SUGCT: variants seen among roughly 807,000 people sequenced by gnomAD.
SUGCT encodes the protein succinyl-CoA:glutarate CoA-transferase.
SUGCT carries 41 observed loss-of-function variants against 55.0 expected under a neutral mutation model. That is an observed-to-expected ratio of 0.74 (90% CI 0.58 to 0.97). The LOEUF (loss-of-function observed/expected upper bound fraction) is 0.97. Ranked by LOEUF, SUGCT falls within the 50% of genes least tolerant of loss-of-function variation. The probability of loss-of-function intolerance (pLI) is 0.00; values close to 1 mark genes in which losing one functional copy is unlikely to be tolerated. For missense variants in SUGCT, 568 were observed against 547.8 expected (o/e 1.04, Z -0.37); for synonymous variants, 187 against 200.4 (o/e 0.93, Z 0.56).
the SUGCT span, among the ~76,000 whole-genome samples, chr7:41,020,420 C>T: frequency 3.9e-5 from 6 of 152,164 alleles, no homozygotes; most frequent in African/African-American, 7.2e-5. Flanking sequence ...AGCAAAAATG[C>T]AGTTCCATAT....
chr7:40,658,045 CT>C (rs529230740), intron 12 of SUGCT, among the ~76,000 whole-genome samples: 42 of 152,192 alleles, frequency 2.8e-4, no homozygotes, highest in Non-Finnish European at 5.0e-4. Context: ...AAATATAAAC[CT>C]TAGAACAACT....
At chr7:40,258,991 A>G (rs1791033623) in intron 7 of SUGCT, among the ~76,000 whole-genome samples, 1 of 152,240 alleles carries the variant, frequency 6.6e-6, no homozygotes, top group Admixed American at 6.5e-5. Flanking sequence ...TAGAAAAAAC[A>G]AGGAATTCTT....
intron 13 of SUGCT, among the ~76,000 whole-genome samples, chr7:40,799,741 T>C (rs557948671): frequency 3.3e-5 from 5 of 152,288 alleles, no homozygotes; most frequent in Admixed American, 2.6e-4. Context: ...ATTATGGCAG[T>C]AGATTTATTA....
intron 12 of SUGCT, among the ~76,000 whole-genome samples, chr7:40,632,551 A>G (rs1262962654): frequency 6.7e-6 from 1 of 148,760 alleles, no homozygotes; most frequent in Non-Finnish European, 1.5e-5. Context: ...AAAAAGGAAT[A>G]TGGAGTTACC....
the SUGCT span, among the ~76,000 whole-genome samples, chr7:40,930,407 C>G: frequency 1.2e-4 from 19 of 152,240 alleles, no homozygotes; most frequent in Middle Eastern, 3.4e-3. Context: ...TATGCAGGCT[C>G]TTTTTTGGTT....
At chr7:40,223,292 C>T (rs758021716) in intron 6 of SUGCT, among the ~76,000 whole-genome samples, 1 of 152,040 alleles carries the variant, frequency 6.6e-6, no homozygotes, top group Non-Finnish European at 1.5e-5. Flanking sequence ...AATTCCTGAC[C>T]TCAAGTGATC....
chr7:40,225,373 T>C (rs1166389641), intron 6 of SUGCT, among the ~76,000 whole-genome samples: 2 of 152,102 alleles, frequency 1.3e-5, no homozygotes, highest in Non-Finnish European at 2.9e-5. Context: ...GGGGTCCAAC[T>C]TCAAAGGTTA....
At chr7:40,695,385 A>T (rs1351624848) in intron 12 of SUGCT, among the ~76,000 whole-genome samples, 1 of 151,644 alleles carries the variant, frequency 6.6e-6, no homozygotes, top group Admixed American at 6.6e-5. Flanking sequence ...TTTTGTAGAG[A>T]TGAGGTTTTG....
chr7:40,857,405 T>C (rs1203577), intron 13 of SUGCT, among the ~76,000 whole-genome samples: 10,168 of 152,234 alleles, frequency 0.067, 1,130 homozygotes, highest in African/African-American at 0.23. Flanking sequence ...ATTTGTCCCG[T>C]TGCAGTCTAT....
chr7:40,994,234 T>C, the SUGCT span, among the ~76,000 whole-genome samples: 1 of 152,124 alleles, frequency 6.6e-6, no homozygotes, highest in Non-Finnish European at 1.5e-5. Context: ...GCCATTCAGT[T>C]TGAAGGCAAA....
At chr7:40,720,068 G>A (rs1368283063) in intron 12 of SUGCT, among the ~76,000 whole-genome samples, 2 of 152,100 alleles carry the variant, frequency 1.3e-5, no homozygotes, top group African/African-American at 4.8e-5. Context: ...TTACAGGCGT[G>A]AGGCAGCACA....
At chr7:40,388,020 G>A (rs946259157) in intron 9 of SUGCT, 13 of 152,162 alleles carry the variant, frequency 8.5e-5, no homozygotes, top group African/African-American at 2.9e-4. Flanking sequence ...AGAGACGCTT[G>A]GGCTGACCTA....
At chr7:40,383,937 C>T (rs768539975) in intron 9 of SUGCT, among the ~76,000 whole-genome samples, 3 of 152,104 alleles carry the variant, frequency 2.0e-5, no homozygotes, top group East Asian at 1.9e-4. Context: ...CGCTGCCCCA[C>T]GAAATGCTTG....
chr7:40,340,656 A>T (rs1796994110), intron 9 of SUGCT, among the ~76,000 whole-genome samples: 2 of 152,152 alleles, frequency 1.3e-5, no homozygotes, highest in South Asian at 4.1e-4. Flanking sequence ...AACAGGGAAG[A>T]CCTCAAAGTG....
intron 12 of SUGCT, among the ~76,000 whole-genome samples, chr7:40,668,580 G>A (rs2151866375): frequency 6.6e-6 from 1 of 152,188 alleles, no homozygotes; most frequent in South Asian, 2.1e-4. Flanking sequence ...TATTATATAT[G>A]AAACAAACAT....
Position 40,349,076 on chromosome 7 carries a change from C to G in SUGCT, c.816+32221C>G, listed in dbSNP as rs1326391857. 2.0e-5 allele frequency among the ~76,000 whole-genome samples: 3 copies of G among 152,118 alleles called. No homozygotes were observed. In the East Asian group the frequency reaches 5.8e-4, roughly 29 times the overall value. ...CTTTTCCACCCTCCTTCTGTATATCCTCACTGAATGAGTTCTCACGTATAT... is the reference window on the plus strand; with the variant it reads ...CTTTTCCACCCTCCTTCTGTATATCGTCACTGAATGAGTTCTCACGTATAT... On this transcript the variant is annotated intron_variant, in intron 9 of 13. Transcript: ENST00000335693.
At chr7:40,540,150 A>G (rs946653675) in intron 12 of SUGCT, among the ~76,000 whole-genome samples, 4 of 152,058 alleles carry the variant, frequency 2.6e-5, no homozygotes, top group African/African-American at 7.2e-5. Context: ...TATCATAAGT[A>G]TAGGCATGTC....
intron 9 of SUGCT, among the ~76,000 whole-genome samples, chr7:40,356,250 G>A (rs1250696342): frequency 6.6e-6 from 1 of 152,196 alleles, no homozygotes; most frequent in Non-Finnish European, 1.5e-5. Flanking sequence ...TGACTTTACC[G>A]TCATAAAAGT....
intron 1 of SUGCT, among the ~76,000 whole-genome samples, chr7:40,144,737 A>C (rs758044975): frequency 1.1e-4 from 16 of 152,194 alleles, no homozygotes; most frequent in Non-Finnish European, 2.2e-4. Context: ...TGGACTTTAT[A>C]GTCCTTGGTG....
Sources: allele counts gnomAD v4.1 joint callset (sites outside exome capture counted in the v4.1 genomes callset), GRCh38; gene constraint gnomAD v4.1.1; transcripts MANE v1.5; gene names NCBI Gene and HGNC (gene_info 2026-07-23, HGNC 2026-07-21).